Variants in NUAK1 observed in about 807,000 individuals in gnomAD.
NUAK1 encodes the protein NUAK family kinase 1.
In NUAK1, 26 loss-of-function variants were observed where a neutral mutation model predicts 56.9. That is an observed-to-expected ratio of 0.46 (90% CI 0.33 to 0.63). NUAK1 has a LOEUF of 0.63. Ranked by LOEUF, NUAK1 falls within the 30% of genes least tolerant of loss-of-function variation. The pLI is 0.02. For missense variants in NUAK1, 727 were observed against 876.1 expected, an observed-to-expected ratio of 0.83 and a Z score of 2.15; for synonymous variants, 337 against 336.0, an observed-to-expected ratio of 1.00 and a Z score of -0.03.
chr12:106,071,127 G>T (rs1310482880), intron 5 of NUAK1, among the ~76,000 whole-genome samples: 1 of 152,186 alleles, frequency 6.6e-6, no homozygotes, highest in Non-Finnish European at 1.5e-5. Context: ...GAGGCCAGTG[G>T]TCCCAACTAG....
rs747515410 is a variant in NUAK1 at position 106,067,311 on chromosome 12, T to A, written c.1477A>T (p.Ser493Cys). The A allele has an allele frequency of 6.2e-7, 1 of 1,614,168 alleles. No individual in the cohort carries two copies. The highest frequency in any genetic ancestry group is 8.5e-7 in the Non-Finnish European group (1 of 1,180,016). ...ATGCTGCTGCCCATCACATCATTAC[T>A]GTCCAACAGCTCCGAAGACTCACTG... The part of the protein sequence containing the change: ...ERSESSELLD[S>C]NDVMGSSIPS... The change falls in exon 7 of 7, where the codon AGT (serine) becomes TGT (cysteine). Residue 493 changes from serine to cysteine, a missense_variant. Coordinates refer to ENST00000261402, the MANE Select transcript of NUAK1 (RefSeq NM_014840.3). This position sits in a 1 kb window ranked among gnomAD's most constrained non-coding sequence, Gnocchi z 6.0.
Position 106,067,060 on chromosome 12 carries a change from G to T in NUAK1, c.1728C>A (p.Ser576Arg). ...AGTCAAAAGAGTCGCTGGACAGCAC[G>T]CTGTCATCGCTGATGACACTGGAAG... ...SRPSSVISDD[S>R]VLSSDSFDLL... The change falls in exon 7 of 7, where the codon AGC (serine) becomes AGA (arginine). Residue 576 changes from serine to arginine, a missense_variant. Ser to Arg is a moderately radical substitution (Grantham distance 110). Transcript: ENST00000261402. The surrounding 1 kb of genome is among the most constrained non-coding windows in gnomAD (Gnocchi z 6.0). 1 of 1,614,218 alleles carries T rather than the reference G, an allele frequency of 6.2e-7. No homozygotes were observed. The highest frequency in any genetic ancestry group is 1.1e-5 in the South Asian group (1 of 91,092).
At chr12:106,119,464 A>G (rs981060321) in intron 1 of NUAK1, among the ~76,000 whole-genome samples, 1 of 152,036 alleles carries the variant, frequency 6.6e-6, no homozygotes, top group Non-Finnish European at 1.5e-5. Flanking sequence ...CATGGATTCC[A>G]TGCACGGCGC....
intron 3 of NUAK1, among the ~76,000 whole-genome samples, chr12:106,085,273 T>C (rs1433939954): frequency 6.6e-6 from 1 of 152,248 alleles, no homozygotes; most frequent in African/African-American, 2.4e-5. Context: ...TCTGTGGTGA[T>C]TTACAATGAT....
At chr12:106,118,376 C>G (rs920517593) in intron 1 of NUAK1, among the ~76,000 whole-genome samples, 1 of 152,210 alleles carries the variant, frequency 6.6e-6, no homozygotes, top group Admixed American at 6.5e-5. Flanking sequence ...CCTGTTTCCA[C>G]ATTTGTCAAA....
At chr12:106,083,814 G>A (rs372946608) in intron 4 of NUAK1, 50 bp downstream of exon 4, 44 of 1,527,392 alleles carry the variant, frequency 2.9e-5, no homozygotes, top group Non-Finnish European at 3.4e-5. Context: ...GCCTCCATCC[G>A]GCTGCAAGAC....
chr12:106,122,271 C>A (rs2032985543), intron 1 of NUAK1, among the ~76,000 whole-genome samples: 1 of 152,294 alleles, frequency 6.6e-6, no homozygotes, highest in Admixed American at 6.5e-5. Context: ...AAAAGGCACA[C>A]TGGGCATTCA....
In NUAK1 at chr12:106,065,201, C is replaced by T. The variant is rs1201184563; in HGVS notation, c.*1601G>A. ...CAGAATCTGAAGTCATCCCAGAGACCAGGAAGTACAAACCTAGTATCATGA... is the reference window on the plus strand; with the variant it reads ...CAGAATCTGAAGTCATCCCAGAGACTAGGAAGTACAAACCTAGTATCATGA... On this transcript the variant is annotated 3_prime_UTR_variant, in exon 7 of 7. Coordinates refer to ENST00000261402, the MANE Select transcript of NUAK1 (RefSeq NM_014840.3). 1 of 152,216 alleles carries T rather than the reference C, an allele frequency of 6.6e-6. No homozygotes were observed. Among genetic ancestry groups the T allele is most frequent in the Non-Finnish European group, 1.5e-5 (1 of 68,048 alleles). 9.4% of individuals were successfully genotyped at this position (152,216 alleles called of 1,614,324 possible). A position where few individuals can be genotyped will look rare whatever the true frequency, so the allele number is the denominator to read the frequency against.
At chr12:106,084,067 C>T (rs1165037994) in intron 3 of NUAK1, 138 bp from the exon 4 acceptor site, 2 of 710,652 alleles carry the variant, frequency 2.8e-6, no homozygotes, top group Non-Finnish European at 2.4e-6. Context: ...TCTTCACCTC[C>T]ATCCTTCAGG....
chr12:106,073,221 T>C (rs1231825435), intron 4 of NUAK1, among the ~76,000 whole-genome samples: 1 of 152,270 alleles, frequency 6.6e-6, no homozygotes, highest in Non-Finnish European at 1.5e-5. Flanking sequence ...TGTGTAACTA[T>C]TAATTTAAGA....
intron 1 of NUAK1, among the ~76,000 whole-genome samples, chr12:106,132,723 C>T (rs1285974119): frequency 6.6e-6 from 1 of 152,166 alleles, no homozygotes; most frequent in African/African-American, 2.4e-5. Context: ...AGATGGCTCA[C>T]CAGAAGCAGG....
At chr12:106,071,440 T>C (rs572882620) in intron 5 of NUAK1, among the ~76,000 whole-genome samples, 4 of 152,350 alleles carry the variant, frequency 2.6e-5, no homozygotes, top group South Asian at 2.1e-4. Flanking sequence ...ACATAGAGTG[T>C]TGGGGATGGA....
At chr12:106,108,362 C>G (rs1391685908) in intron 1 of NUAK1, among the ~76,000 whole-genome samples, 1 of 152,166 alleles carries the variant, frequency 6.6e-6, no homozygotes, top group Non-Finnish European at 1.5e-5. Context: ...CTGGGTGGAC[C>G]CATGGCTGGA....
rs1363724620 is a variant in NUAK1 at position 106,066,271 on chromosome 12, G to C, written c.*531C>G. On this transcript the variant is annotated 3_prime_UTR_variant, in exon 7 of 7. Coordinates refer to ENST00000261402, the MANE Select transcript of NUAK1 (RefSeq NM_014840.3). The stretch of plus-strand genomic sequence containing the variant: ...ACAGCACTCCTTCCCCATGATGTGG[G>C]CCACTTACGCCAGCACAACTGGCAG... 6.3e-6 allele frequency: 1 copy of C among 158,776 alleles called. No homozygotes were observed. Among genetic ancestry groups the C allele is most frequent in the Non-Finnish European group, 1.4e-5 (1 of 71,726 alleles). The allele number at this position is 158,776 out of a possible 1,614,324, so 9.8% of individuals were successfully genotyped here.
intron 1 of NUAK1, among the ~76,000 whole-genome samples, chr12:106,107,471 G>A (rs751734497): frequency 1.3e-5 from 2 of 152,172 alleles, no homozygotes; most frequent in Non-Finnish European, 2.9e-5. Context: ...ATTTGCTGCC[G>A]GATCAGAAAG....
intron 1 of NUAK1, among the ~76,000 whole-genome samples, chr12:106,119,380 C>T (rs2032951539): frequency 6.6e-6 from 1 of 152,200 alleles, no homozygotes; most frequent in African/African-American, 2.4e-5. Flanking sequence ...CGACTTCATG[C>T]TTGGAGCGCC....
In NUAK1 at chr12:106,067,254, C is replaced by A. The variant is rs776076144; in HGVS notation, c.1534G>T (p.Val512Leu). 15 of 1,613,972 alleles carry A rather than the reference C, an allele frequency of 9.3e-6. No homozygotes were observed. Among genetic ancestry groups the A allele is most frequent in the Non-Finnish European group, 1.1e-5 (13 of 1,180,020 alleles). ...PSPSPPDPAR[V>L]TSHSLSCRRK... ...CGGCAGGAGAGGCTGTGGGAGGTTA[C>A]CCTGGCTGGGTCCGGGGGGCTGGGG... Residue 512 changes from valine to leucine, a missense_variant, in exon 7 of 7, where the codon GTA becomes TTA. Physicochemically the swap from Val to Leu is conservative, Grantham distance 32 (BLOSUM62 1). Coordinates refer to ENST00000261402, the MANE Select transcript of NUAK1 (RefSeq NM_014840.3). This position sits in a 1 kb window ranked among gnomAD's most constrained non-coding sequence, Gnocchi z 6.0.
At chr12:106,114,192 C>CTGA (rs779655262) in intron 1 of NUAK1, among the ~76,000 whole-genome samples, 2 of 152,332 alleles carry the variant, frequency 1.3e-5, no homozygotes, top group East Asian at 1.9e-4. Context: ...TCTGATCACT[C>CTGA]TGACACTGTT....
chr12:106,080,216 A>G (rs962738233), intron 4 of NUAK1, among the ~76,000 whole-genome samples: 2 of 152,196 alleles, frequency 1.3e-5, no homozygotes, highest in Admixed American at 1.3e-4. Context: ...TATCCACAGC[A>G]GCCGCGCTTC....
Sources: allele counts gnomAD v4.1 joint callset (sites outside exome capture counted in the v4.1 genomes callset), GRCh38; gene constraint gnomAD v4.1.1; non-coding constraint Gnocchi (gnomAD v3.1); transcripts MANE v1.5; gene names NCBI Gene and HGNC (gene_info 2026-07-23, HGNC 2026-07-21).